Variants in CCDC33 observed in about 807,000 individuals in gnomAD.
CCDC33 encodes coiled-coil domain containing 33, also known as coiled-coil domain-containing protein 33.
In CCDC33, 94 loss-of-function variants were observed where a neutral mutation model predicts 91.9. The observed-to-expected ratio is 1.02, with a 90% confidence interval of 0.87 to 1.21. The LOEUF is 1.21. Among genes scored for constraint, CCDC33 ranks in the 50% most tolerant of loss-of-function variants. CCDC33 has a pLI of 0.00. For missense variants in CCDC33, 940 were observed against 935.5 expected (o/e 1.00, Z -0.06); for synonymous variants, 396 against 374.5 (o/e 1.06, Z -0.66).
upstream of CCDC33, among the ~76,000 whole-genome samples, chr15:74,234,255 T>G (rs6495091): frequency 0.61 from 92,411 of 152,078 alleles, 29,112 homozygotes; most frequent in Non-Finnish European, 0.7. Context: ...CTGTCTCCTG[T>G]GGGTAGGGGG....
chr15:74,240,447 C>A (rs1011810986), intron 1 of CCDC33, among the ~76,000 whole-genome samples: 1 of 152,164 alleles, frequency 6.6e-6, no homozygotes, highest in Non-Finnish European at 1.5e-5. Context: ...ACATGAATCA[C>A]CCCTCCCAGC....
At chr15:74,250,938 G>A (rs1053662621) in intron 2 of CCDC33, among the ~76,000 whole-genome samples, 6 of 152,200 alleles carry the variant, frequency 3.9e-5, no homozygotes, top group Admixed American at 6.5e-5. Context: ...GGGGAGTCCT[G>A]AGCAGGCTCA....
At chr15:74,216,813 C>T (rs533026056), upstream of CCDC33, among the ~76,000 whole-genome samples, 1 of 151,310 alleles carries the variant, frequency 6.6e-6, no homozygotes, top group African/African-American at 2.4e-5. Context: ...TACCCATGAG[C>T]TCCCCACACC....
intron 2 of CCDC33, among the ~76,000 whole-genome samples, chr15:74,246,688 G>C (rs1249061785): frequency 6.6e-6 from 1 of 152,204 alleles, no homozygotes; most frequent in African/African-American, 2.4e-5. Context: ...CGGGTGTGGA[G>C]AAAAGAGAAC....
intron 1 of CCDC33, among the ~76,000 whole-genome samples, chr15:74,241,807 C>A (rs764853193): frequency 6.6e-5 from 10 of 152,214 alleles, no homozygotes; most frequent in Non-Finnish European, 1.5e-4. Flanking sequence ...CTGACAGGAT[C>A]TGCTGAAGAA....
At chr15:74,306,888 G>T (rs1354001164) in intron 11 of CCDC33, among the ~76,000 whole-genome samples, 1 of 152,196 alleles carries the variant, frequency 6.6e-6, no homozygotes, top group African/African-American at 2.4e-5. Context: ...CATGGAGTCA[G>T]TTCTGACTTG....
intron 11 of CCDC33, among the ~76,000 whole-genome samples, chr15:74,313,415 C>CTTTTTTTTTTTTTT (rs35519774): frequency 3.2e-5 from 3 of 94,182 alleles, no homozygotes; most frequent in Non-Finnish European, 3.8e-5. Flanking sequence ...TTCTTTCTTT[C>CTTTTTTTTTTTTTT]TTTTTTTTTT....
Position 74,272,500 on chromosome 15 carries a change from C to T in CCDC33, c.639-271C>T, listed in dbSNP as rs557853087. 8.5e-5 allele frequency among the ~76,000 whole-genome samples: 13 copies of T among 152,316 alleles called. No individual in the cohort carries two copies. The East Asian group carries it at 2.5e-3, about 29-fold the overall frequency. On this transcript the variant is annotated intron_variant, in intron 6 of 18. Transcript: ENST00000398814. ...GTCTGTCTTGGTCACTTCCAACTGG[C>T]CCTGATGGCCCAAGATGACTCCCCT...
At chr15:74,283,011 G>A (rs910033415) in intron 10 of CCDC33, among the ~76,000 whole-genome samples, 1 of 152,174 alleles carries the variant, frequency 6.6e-6, no homozygotes, top group Non-Finnish European at 1.5e-5. Context: ...GTAGCACTTG[G>A]CTCTGTGACC....
At chr15:74,333,434 A>G (rs1420682097) in intron 16 of CCDC33, 7 of 833,630 alleles carry the variant, frequency 8.4e-6, no homozygotes, top group African/African-American at 5.1e-5. Context: ...ATCACAGAAT[A>G]TTGGGCAGGG....
chr15:74,280,721 C>T lies in CCDC33; in HGVS notation c.943C>T (p.Pro315Ser). The T allele has an allele frequency of 6.4e-7, 1 of 1,571,988 alleles. No homozygotes were observed. Among genetic ancestry groups the T allele is most frequent in the Non-Finnish European group, 8.6e-7 (1 of 1,158,646 alleles). The change falls in exon 9 of 19, where the codon CCG (proline) becomes TCG (serine). Residue 315 changes from proline (P) to serine (S), a missense_variant. By Grantham distance (74) the Pro-to-Ser change is moderately conservative. Transcript: ENST00000398814. Reference sequence around the variant, plus strand: ...CCAGCCCCTGGGCATCTCTGTGTTGCCGCTAAAGAGCCGTTTGTACCAGAA... The same window carrying T: ...CCAGCCCCTGGGCATCTCTGTGTTGTCGCTAAAGAGCCGTTTGTACCAGAA... The part of the protein sequence containing the change: ...LNQPLGISVL[P>S]LKSRLYQKML...
At chr15:74,334,891 C>A in intron 17 of CCDC33, 84 bp from the exon 18 acceptor site, 2 of 1,124,702 alleles carry the variant, frequency 1.8e-6, no homozygotes, top group Non-Finnish European at 2.7e-6. Flanking sequence ...GCCTGGACAG[C>A]AGGCTCAGGC....
chr15:74,268,392 C>T lies in CCDC33; in HGVS notation c.480C>T (p.Tyr160=), dbSNP rs145128251. ...AAGCCACTGCCAAGACCCAGTTGTA[C>T]GCAACAGTCGTTCGGAAGAGCAGCT... ...ADEATAKTQL[Y]ATVVRKSSFI... The change falls in exon 5 of 19, where the codon TAC becomes TAT. Residue 160 remains tyrosine (Y), a synonymous_variant. Coordinates refer to ENST00000398814, the MANE Select transcript of CCDC33 (RefSeq NM_025055.5). 45 of 1,613,618 alleles carry T rather than the reference C, an allele frequency of 2.8e-5. No individual in the cohort carries two copies. Among genetic ancestry groups the T allele is most frequent in the South Asian group, 2.4e-4 (22 of 91,078 alleles).
chr15:74,296,003 G>A, intron 11 of CCDC33, 55 bp downstream of exon 11: 1 of 1,485,208 alleles, frequency 6.7e-7, no homozygotes. Context: ...GCCATGGGAA[G>A]GGGACTTGAC....
Position 74,331,064 on chromosome 15 carries a change from G to T in CCDC33, c.1629G>T (p.Lys543Asn). The T allele has an allele frequency of 6.2e-7, 1 of 1,613,724 alleles. No homozygotes were observed. Residue 543 changes from lysine (K) to asparagine (N), a missense_variant, in exon 14 of 19, where the codon AAG becomes AAT. Physicochemically the swap from Lys to Asn is moderately conservative, Grantham distance 94 (BLOSUM62 0). Transcript: ENST00000398814. ...CTCTGCTGAAGCAGTACCAGGGCAA[G>T]CTGCAGAAGATGAAGGCGCTGGAGG... ...QAALLKQYQG[K>N]LQKMKALEET...
chr15:74,250,531 C>G (rs1419418201), intron 2 of CCDC33, among the ~76,000 whole-genome samples: 2 of 152,214 alleles, frequency 1.3e-5, no homozygotes, highest in African/African-American at 4.8e-5. Context: ...CACTGATCTC[C>G]CAGATGAGGC....
At chr15:74,234,065 G>A (rs569903272), upstream of CCDC33, among the ~76,000 whole-genome samples, 3 of 152,334 alleles carry the variant, frequency 2.0e-5, no homozygotes, top group South Asian at 6.2e-4. Context: ...TGAGGAAGCA[G>A]GGCTGACTAT....
chr15:74,230,615 G>T (rs931763918), intron 2 of CCDC33, among the ~76,000 whole-genome samples: 3 of 152,282 alleles, frequency 2.0e-5, no homozygotes, highest in African/African-American at 7.2e-5. Context: ...AAGCCGCGTT[G>T]TCCAACAACG....
At chr15:74,297,855 G>A (rs1469909382) in intron 11 of CCDC33, among the ~76,000 whole-genome samples, 8 of 152,172 alleles carry the variant, frequency 5.3e-5, no homozygotes, top group South Asian at 2.1e-4. Flanking sequence ...CAGCTGCCCC[G>A]GAGGGGCCAA....
Sources: allele counts gnomAD v4.1 joint callset (sites outside exome capture counted in the v4.1 genomes callset), GRCh38; gene constraint gnomAD v4.1.1; transcripts MANE v1.5; gene names NCBI Gene and HGNC (gene_info 2026-07-23, HGNC 2026-07-21).